MAP4K5: variants seen among roughly 807,000 people sequenced by gnomAD.
MAP4K5 encodes the protein mitogen-activated protein kinase kinase kinase kinase 5, also known as MAPK/ERK kinase kinase kinase 5.
In MAP4K5, 82 loss-of-function variants were observed where a neutral mutation model predicts 135.6. That is an observed-to-expected ratio of 0.60 (90% CI 0.51 to 0.73). MAP4K5 has a LOEUF of 0.73. MAP4K5 is among the 30% of genes least tolerant of loss of function. The pLI, the probability that MAP4K5 is intolerant of heterozygous loss-of-function variation, is 0.00. For synonymous variants in MAP4K5, 347 were observed against 335.0 expected (o/e 1.04, Z -0.39); for missense variants, 907 against 1,010.9 (o/e 0.90, Z 1.39).
chr14:50,525,869 A>C (rs537245572), intron 2 of MAP4K5, among the ~76,000 whole-genome samples: 48 of 152,196 alleles, frequency 3.2e-4, no homozygotes, highest in Admixed American at 2.7e-3. Flanking sequence ...AATAATTGAA[A>C]AGGTCCAAAT....
At chr14:50,470,265 T>C (rs976242783) in intron 9 of MAP4K5, among the ~76,000 whole-genome samples, 6 of 152,116 alleles carry the variant, frequency 3.9e-5, no homozygotes, top group Non-Finnish European at 8.8e-5. Flanking sequence ...GTAGAGAGTG[T>C]GGCCCTCTTA....
intron 1 of MAP4K5, chr14:50,560,321 C>G: frequency 1.2e-6 from 2 of 1,613,134 alleles, no homozygotes; most frequent in Non-Finnish European, 1.7e-6. Context: ...ATGAGAACTT[C>G]TGCAGCCTGC....
chr14:50,533,751 A>G (rs543991499), upstream of MAP4K5, among the ~76,000 whole-genome samples: 1 of 152,342 alleles, frequency 6.6e-6, no homozygotes, highest in East Asian at 1.9e-4. Context: ...CTTGAGAATT[A>G]AAATACTCCT....
chr14:50,448,004 TTTTA>T (rs1485238844), intron 15 of MAP4K5, among the ~76,000 whole-genome samples: 1 of 141,124 alleles, frequency 7.1e-6, no homozygotes, highest in African/African-American at 2.7e-5. Context: ...ACTTTTTTCT[TTTTA>T]TTTATTTATT....
intron 21 of MAP4K5, among the ~76,000 whole-genome samples, chr14:50,441,598 C>G (rs1312195188): frequency 1.3e-5 from 2 of 152,028 alleles, no homozygotes; most frequent in African/African-American, 2.4e-5. Flanking sequence ...AGGTGATACA[C>G]ACCTGTGGTC....
At chr14:50,499,091 G>A (rs1345414562) in intron 3 of MAP4K5, among the ~76,000 whole-genome samples, 1 of 151,696 alleles carries the variant, frequency 6.6e-6, no homozygotes, top group Non-Finnish European at 1.5e-5. Flanking sequence ...TACTGACAAT[G>A]CTAAAAGTCC....
At chr14:50,456,465 G>A (rs2036596063) in intron 14 of MAP4K5, 51 bp downstream of exon 14, 10 of 1,276,986 alleles carry the variant, frequency 7.8e-6, no homozygotes, top group Middle Eastern at 3.7e-4. Context: ...ACAAGAACAC[G>A]CAGCACAACC....
At chr14:50,532,632 C>G (rs1441821460), upstream of MAP4K5, 1 of 153,204 alleles carries the variant, frequency 6.5e-6, no homozygotes, top group Non-Finnish European at 1.5e-5. Context: ...CCGGGAGACA[C>G]GTTCCCAGCC....
intron 1 of MAP4K5, among the ~76,000 whole-genome samples, chr14:50,554,045 C>G (rs1201817777): frequency 6.6e-6 from 1 of 151,874 alleles, no homozygotes; most frequent in Non-Finnish European, 1.5e-5. Flanking sequence ...GAAATCACCA[C>G]TAAAGAACTT....
intron 2 of MAP4K5, among the ~76,000 whole-genome samples, chr14:50,521,669 G>A (rs919969077): frequency 3.3e-5 from 5 of 152,074 alleles, no homozygotes; most frequent in African/African-American, 1.2e-4. Context: ...TGGAAGGCGG[G>A]GGCCAGTATG....
At chr14:50,442,651 C>A in intron 21 of MAP4K5, 81 bp downstream of exon 21, 1 of 994,806 alleles carries the variant, frequency 1.0e-6, no homozygotes, top group Non-Finnish European at 1.5e-6. Flanking sequence ...TTAAAATAAA[C>A]AACTTCAAGT....
rs372301506 is a variant in MAP4K5 at position 50,523,828 on chromosome 14, A to G, written c.108+8114T>C. ...GTGTCTGCCCCATAGGAGGCCTTCT[A>G]TAAGTATTTGTTGAATGTTAAATAC... On this transcript the variant is annotated intron_variant, in intron 2 of 32. Transcript: ENST00000682126. Among the ~76,000 whole-genome samples, 29 of 152,168 alleles carry G rather than the reference A, an allele frequency of 1.9e-4. No individual in the cohort carries two copies. The East Asian group carries it at 1.9e-3, about 10-fold the overall frequency.
At chr14:50,535,930 T>G (rs2038485897), upstream of MAP4K5, among the ~76,000 whole-genome samples, 1 of 152,196 alleles carries the variant, frequency 6.6e-6, no homozygotes, top group Non-Finnish European at 1.5e-5. Flanking sequence ...AGTGAATAAC[T>G]CTCACGAGAC....
At chr14:50,462,907 TAAAC>T in intron 12 of MAP4K5, 126 bp from the exon 13 acceptor site, 1 of 579,804 alleles carries the variant, frequency 1.7e-6, no homozygotes, top group Non-Finnish European at 3.0e-6. Context: ...CTAACACAAA[TAAAC>T]TGTGTTAGTA....
chr14:50,454,961 G>C (rs2036569012), intron 14 of MAP4K5, among the ~76,000 whole-genome samples: 2 of 151,840 alleles, frequency 1.3e-5, no homozygotes, highest in South Asian at 2.1e-4. Context: ...ATATTATCAA[G>C]ATATAATAAT....
intron 3 of MAP4K5, among the ~76,000 whole-genome samples, chr14:50,493,021 CAAAAAAAAGA>C (rs1271586218): frequency 5.0e-5 from 6 of 119,328 alleles, no homozygotes; most frequent in Middle Eastern, 4.5e-3. Flanking sequence ...GACTCTGTCT[CAAAAAAAAGA>C]AAAAAAAAGG....
chr14:50,442,117 C>T (rs2036242847), intron 21 of MAP4K5, among the ~76,000 whole-genome samples: 1 of 152,068 alleles, frequency 6.6e-6, no homozygotes, highest in Admixed American at 6.6e-5. Flanking sequence ...GAAAATGTTT[C>T]CTCACTTCAG....
intron 3 of MAP4K5, among the ~76,000 whole-genome samples, chr14:50,498,780 G>GT (rs551826284): frequency 1.3e-5 from 2 of 152,166 alleles, no homozygotes; most frequent in Non-Finnish European, 2.9e-5. Flanking sequence ...CCAGACATAA[G>GT]TTTTTTTCTA....
chr14:50,473,072 GTT>G (rs1390840417), intron 9 of MAP4K5, among the ~76,000 whole-genome samples: 1 of 151,974 alleles, frequency 6.6e-6, no homozygotes, highest in African/African-American at 2.4e-5. Flanking sequence ...GATACGTAGT[GTT>G]TTTTTGTCAG....
Sources: gnomAD v4.1 joint callset for allele counts (sites outside exome capture counted in the v4.1 genomes callset) on GRCh38, gnomAD v4.1.1 for gene constraint, MANE v1.5 for transcripts, NCBI Gene and HGNC (gene_info 2026-07-23, HGNC 2026-07-21) for gene names.